The following LYZL1 variants were observed in gnomAD, a reference collection of about 807,000 sequenced individuals.
LYZL1 encodes lysozyme like 1.
In LYZL1, 16 loss-of-function variants were observed where a neutral mutation model predicts 17.9. The observed-to-expected ratio is 0.90, with a 90% CI of 0.61 to 1.36. The LOEUF (loss-of-function observed/expected upper bound fraction) is 1.36, where lower values mean the gene tolerates loss of function less well. Ranked by LOEUF, LYZL1 falls within the 40% of genes most tolerant of loss-of-function variation. The pLI is 0.00. For synonymous variants in LYZL1, 58 were observed against 71.8 expected (o/e 0.81, Z 0.97); for missense variants, 149 against 188.4 (o/e 0.79, Z 1.22).
At chr10:29,290,818 A>G (rs1407759871) in intron 1 of LYZL1, among the ~76,000 whole-genome samples, 1 of 151,422 alleles carries the variant, frequency 6.6e-6, no homozygotes, top group African/African-American at 2.4e-5. Context: ...CAGCCTGGAC[A>G]ACAGAGTGAG....
intron 3 of LYZL1, among the ~76,000 whole-genome samples, chr10:29,303,853 G>A (rs1451513466): frequency 6.6e-6 from 1 of 152,210 alleles, no homozygotes; most frequent in African/African-American, 2.4e-5. Context: ...AAAAAAGTTA[G>A]CATTAGGGTG....
intron 3 of LYZL1, among the ~76,000 whole-genome samples, chr10:29,293,855 TC>T: frequency 6.6e-6 from 1 of 151,842 alleles, no homozygotes; most frequent in Middle Eastern, 3.4e-3. Flanking sequence ...GTGCCTGTAA[TC>T]CCAGCTACTC....
chr10:29,295,114 G>C (rs543760929), intron 3 of LYZL1, among the ~76,000 whole-genome samples: 9 of 152,182 alleles, frequency 5.9e-5, no homozygotes, highest in Non-Finnish European at 1.2e-4. Context: ...AATATGTTAA[G>C]TTACCTAGTA....
Position 29,293,134 on chromosome 10 carries a change from C to CTT in LYZL1, c.298+472_298+473dup, listed in dbSNP as rs11453474. On this transcript the variant is annotated intron_variant, in intron 3 of 4. Transcript: ENST00000649382. ...TTTTTTTTCTTTTCTTTTCTTTTTTCTTTTTTTTTTTTTTTTGAGACAGGG... is the reference window on the plus strand; with the variant it reads ...TTTTTTTTCTTTTCTTTTCTTTTTTCTTTTTTTTTTTTTTTTTTGAGACAGGG... Among the ~76,000 whole-genome samples the CTT allele has an allele frequency of 4.2e-4, 51 of 121,022 alleles. 1 individual carries two copies. The highest frequency in any genetic ancestry group is 1.7e-3 in the East Asian group (7 of 4,110). 79.4% of individuals were successfully genotyped at this position (121,022 alleles called of 152,430 possible). A position where few individuals can be genotyped will look rare whatever the true frequency, so the allele number is the denominator to read the frequency against.
intron 1 of LYZL1, among the ~76,000 whole-genome samples, chr10:29,290,859 A>G (rs1490166766): frequency 6.6e-6 from 1 of 152,046 alleles, no homozygotes; most frequent in Non-Finnish European, 1.5e-5. Flanking sequence ...TAAATAAATA[A>G]AAGCACTGAT....
At chr10:29,311,762 G>A (rs1384607891), downstream of LYZL1, among the ~76,000 whole-genome samples, 1 of 151,246 alleles carries the variant, frequency 6.6e-6, no homozygotes, top group Non-Finnish European at 1.5e-5. Flanking sequence ...TGGATCACTT[G>A]AAGTCAGAAG....
intron 3 of LYZL1, among the ~76,000 whole-genome samples, chr10:29,306,544 C>T (rs917432914): frequency 9.5e-5 from 7 of 73,300 alleles, no homozygotes; most frequent in Admixed American, 7.7e-4. Flanking sequence ...AGCGAGACTC[C>T]GTCTCAAAAA....
intron 3 of LYZL1, among the ~76,000 whole-genome samples, chr10:29,302,733 C>G (rs1459897831): frequency 2.0e-5 from 3 of 152,188 alleles, no homozygotes; most frequent in African/African-American, 7.2e-5. Context: ...TGAGGCTCAT[C>G]GTGTTGACTG....
chr10:29,300,251 A>T (rs1228877925), intron 3 of LYZL1, among the ~76,000 whole-genome samples: 1 of 151,972 alleles, frequency 6.6e-6, no homozygotes, highest in Admixed American at 6.6e-5. Context: ...TAAAAAAAAA[A>T]TTATTATTCT....
chr10:29,311,053 T>G lies in LYZL1; in HGVS notation c.441T>G (p.Val147=). 1.2e-6 allele frequency: 2 copies of G among 1,614,184 alleles called. No individual in the cohort carries two copies. The highest frequency in any genetic ancestry group is 1.7e-6 in the Non-Finnish European group (2 of 1,180,028). ...CCGAGTGGAAAAAAGGCTGTGAGGT[T>G]TCCTAAACTGGAACTGGACCCAGGA... The part of the protein sequence containing the change: ...DLSEWKKGCE[V]S Residue 147 remains valine (V), a synonymous_variant, in exon 5 of 5, where the codon GTT becomes GTG. Transcript: ENST00000649382.
intron 1 of LYZL1, among the ~76,000 whole-genome samples, chr10:29,289,511 C>T (rs578081655): frequency 6.6e-6 from 1 of 151,200 alleles, no homozygotes; most frequent in African/African-American, 2.4e-5. Flanking sequence ...CTCAAACTCC[C>T]AGCCTCAAGT....
chr10:29,292,517 A>G lies in LYZL1; in HGVS notation c.140-2A>G, dbSNP rs1236529312. The G allele has an allele frequency of 6.2e-7, 1 of 1,612,930 alleles. No individual in the cohort carries two copies. Among genetic ancestry groups the G allele is most frequent in the Non-Finnish European group, 8.5e-7 (1 of 1,179,626 alleles). On this transcript the variant is annotated splice_acceptor_variant, in intron 2 of 4. Coordinates refer to ENST00000649382, the MANE Select transcript of LYZL1 (RefSeq NM_032517.6). LOFTEE classifies it high-confidence loss of function. ...TGGCGTTTCTGGCTTTCCCCCCTCC[A>G]GGGATCTGCATGGCATATTATGAGA... is the stretch of plus-strand genomic sequence containing the variant.
intron 3 of LYZL1, among the ~76,000 whole-genome samples, chr10:29,302,463 C>G (rs994593593): frequency 1.3e-5 from 2 of 152,128 alleles, no homozygotes; most frequent in Non-Finnish European, 2.9e-5. Flanking sequence ...TATTCATAAA[C>G]GGGTGGGAAG....
chr10:29,299,451 T>C (rs536391478), intron 3 of LYZL1, among the ~76,000 whole-genome samples: 2 of 152,354 alleles, frequency 1.3e-5, no homozygotes, highest in East Asian at 3.9e-4. Flanking sequence ...TATAAGTGAC[T>C]GTTATTTCCT....
chr10:29,309,056 C>T (rs1835634863), intron 3 of LYZL1, among the ~76,000 whole-genome samples: 2 of 151,806 alleles, frequency 1.3e-5, no homozygotes, highest in Non-Finnish European at 2.9e-5. Flanking sequence ...AGACTGGGTG[C>T]GATGGCTCAC....
intron 1 of LYZL1, among the ~76,000 whole-genome samples, chr10:29,289,830 CT>C (rs1835337118): frequency 1.3e-5 from 2 of 152,290 alleles, no homozygotes; most frequent in South Asian, 4.1e-4. Flanking sequence ...ATATGTTAGG[CT>C]TTGTGGTCTA....
At chr10:29,300,445 T>C (rs1835501869) in intron 3 of LYZL1, among the ~76,000 whole-genome samples, 1 of 152,206 alleles carries the variant, frequency 6.6e-6, no homozygotes, top group Non-Finnish European at 1.5e-5. Context: ...CTTTGTGCCA[T>C]GTTGTCACGC....
At chr10:29,315,811 C>G (rs114048707), downstream of LYZL1, among the ~76,000 whole-genome samples, 1 of 150,918 alleles carries the variant, frequency 6.6e-6, no homozygotes, top group Non-Finnish European at 1.5e-5. Flanking sequence ...ACCGTACCAC[C>G]GCGCTCCAGT....
At chr10:29,300,675 T>C (rs1346816263) in intron 3 of LYZL1, among the ~76,000 whole-genome samples, 1 of 152,318 alleles carries the variant, frequency 6.6e-6, no homozygotes, top group South Asian at 2.1e-4. Flanking sequence ...ACCTTCTTTT[T>C]GGTTTTGGTT....
Sources: gnomAD v4.1 joint callset for allele counts (sites outside exome capture counted in the v4.1 genomes callset) on GRCh38, gnomAD v4.1.1 for gene constraint, MANE v1.5 for transcripts, NCBI Gene and HGNC (gene_info 2026-07-23, HGNC 2026-07-21) for gene names.